The following SGCD variants were observed in gnomAD, a reference collection of about 807,000 sequenced individuals.
SGCD encodes the protein sarcoglycan delta.
Under a neutral mutation model 36.6 loss-of-function variants are expected in SGCD, and 18 were observed. The ratio of observed to expected loss-of-function variants is 0.49; its 90% CI spans 0.34 to 0.73. The LOEUF (loss-of-function observed/expected upper bound fraction) is 0.73. SGCD is among the 30% of genes least tolerant of loss of function. The probability of loss-of-function intolerance (pLI) is 0.01; values close to 1 mark genes in which losing one functional copy is unlikely to be tolerated. For synonymous variants in SGCD, 133 were observed against 130.6 expected (o/e 1.02, Z -0.12); for missense variants, 387 against 346.7 (o/e 1.12, Z -0.92).
chr5:156,081,009 TG>T (rs894397763), intron 1 of SGCD, among the ~76,000 whole-genome samples: 23 of 152,320 alleles, frequency 1.5e-4, no homozygotes, highest in African/African-American at 5.3e-4. Flanking sequence ...TACCTGATCA[TG>T]GGTCATTTAT....
intron 3 of SGCD, among the ~76,000 whole-genome samples, chr5:156,303,715 C>G (rs1177776770): frequency 6.6e-6 from 1 of 151,540 alleles, no homozygotes; most frequent in Non-Finnish European, 1.5e-5. Context: ...AGGGAAGCAG[C>G]TTCCGTTATG....
chr5:156,083,354 G>T (rs1051300945), intron 1 of SGCD, among the ~76,000 whole-genome samples: 3 of 151,210 alleles, frequency 2.0e-5, no homozygotes, highest in Non-Finnish European at 4.4e-5. Context: ...GAGTGCAATG[G>T]CGTGATCTCG....
At chr5:156,536,633 T>C (rs1323943653) in intron 4 of SGCD, among the ~76,000 whole-genome samples, 1 of 151,958 alleles carries the variant, frequency 6.6e-6, no homozygotes, top group Non-Finnish European at 1.5e-5. Flanking sequence ...GCAGAGGTTA[T>C]GATCTGGAGG....
chr5:156,097,844 T>G (rs2127595918), intron 1 of SGCD, among the ~76,000 whole-genome samples: 1 of 152,358 alleles, frequency 6.6e-6, no homozygotes, highest in South Asian at 2.1e-4. Context: ...TTAAATCTTC[T>G]TTTTCAGTAG....
the SGCD span, among the ~76,000 whole-genome samples, chr5:155,808,819 A>G: frequency 6.6e-6 from 1 of 152,218 alleles, no homozygotes; most frequent in Non-Finnish European, 1.5e-5. Context: ...TACATTATTC[A>G]TGTAAGAAAG....
chr5:156,553,370 A>G (rs555848006), intron 4 of SGCD, among the ~76,000 whole-genome samples: 3 of 152,290 alleles, frequency 2.0e-5, no homozygotes, highest in African/African-American at 7.2e-5. Flanking sequence ...ACTTGTTCCC[A>G]CACTTGGAAT....
rs1380997534 is a variant in SGCD at position 156,767,451 on chromosome 5, A to G, written c.*8061A>G. The stretch of plus-strand genomic sequence containing the variant: ...TCTGATGTTCTTAACCAAAATGGTG[A>G]GGTCATGGAAGTCCCATTTGCTTGG... On this transcript the variant is annotated 3_prime_UTR_variant, in exon 9 of 9. Coordinates refer to ENST00000337851, the MANE Select transcript of SGCD (RefSeq NM_000337.6). 7.2e-6 allele frequency: 1 copy of G among 139,804 alleles called. No individual in the cohort carries two copies. Among genetic ancestry groups the G allele is most frequent in the African/African-American group, 2.6e-5 (1 of 38,216 alleles). The allele number at this position is 139,804 out of a possible 1,614,324, so 8.7% of individuals were successfully genotyped here.
chr5:156,637,649 G>T (rs1185763001), intron 6 of SGCD, among the ~76,000 whole-genome samples: 1 of 152,086 alleles, frequency 6.6e-6, no homozygotes, highest in Non-Finnish European at 1.5e-5. Context: ...TATTTAGCTG[G>T]ACATTTTGCT....
chr5:156,447,385 G>A (rs571815495), intron 3 of SGCD, among the ~76,000 whole-genome samples: 6 of 152,232 alleles, frequency 3.9e-5, no homozygotes, highest in African/African-American at 1.2e-4. Flanking sequence ...GAACACAGCA[G>A]TGTGGCCAGG....
At chr5:156,468,011 T>C (rs980266047) in intron 3 of SGCD, among the ~76,000 whole-genome samples, 1 of 152,192 alleles carries the variant, frequency 6.6e-6, no homozygotes, top group Non-Finnish European at 1.5e-5. Context: ...GTTAGGAAGC[T>C]GATTTAAGTC....
At chr5:155,870,021 AC>A (rs1755601614), upstream of SGCD, among the ~76,000 whole-genome samples, 1 of 152,110 alleles carries the variant, frequency 6.6e-6, no homozygotes, top group Non-Finnish European at 1.5e-5. Flanking sequence ...AACAACAACA[AC>A]AACAAAAAGG....
intron 4 of SGCD, among the ~76,000 whole-genome samples, chr5:156,546,335 G>C (rs1758569632): frequency 6.6e-6 from 1 of 152,112 alleles, no homozygotes; most frequent in Non-Finnish European, 1.5e-5. Flanking sequence ...CTACTCTTCT[G>C]ACTTGTTTCT....
chr5:156,245,072 G>A (rs1765407827), intron 3 of SGCD, among the ~76,000 whole-genome samples: 1 of 152,172 alleles, frequency 6.6e-6, no homozygotes, highest in African/African-American at 2.4e-5. Context: ...CTTGCCAACA[G>A]CCAGTTGCTA....
chr5:156,107,917 G>A (rs979828437), intron 1 of SGCD, among the ~76,000 whole-genome samples: 5 of 152,052 alleles, frequency 3.3e-5, no homozygotes, highest in African/African-American at 1.2e-4. Context: ...AACAAGTTTG[G>A]GAATGAACAC....
intron 1 of SGCD, among the ~76,000 whole-genome samples, chr5:156,102,898 G>T (rs32382): frequency 0.43 from 65,284 of 151,904 alleles, 14,542 homozygotes; most frequent in African/African-American, 0.53. Context: ...CATATAAATT[G>T]ACATACATAT....
At chr5:156,145,661 G>T (rs573515803) in intron 3 of SGCD, among the ~76,000 whole-genome samples, 1 of 152,074 alleles carries the variant, frequency 6.6e-6, no homozygotes, top group African/African-American at 2.4e-5. Flanking sequence ...TAAGTATTTG[G>T]TTAAAAGTAT....
chr5:155,889,514 G>T (rs1393430720), intron 1 of SGCD, among the ~76,000 whole-genome samples: 1 of 152,090 alleles, frequency 6.6e-6, no homozygotes, highest in Non-Finnish European at 1.5e-5. Flanking sequence ...AATACCAGTG[G>T]TTAGTAATCA....
the SGCD span, among the ~76,000 whole-genome samples, chr5:155,840,671 A>G: frequency 6.6e-6 from 1 of 151,366 alleles, no homozygotes; most frequent in South Asian, 2.1e-4. Flanking sequence ...TAGAATCTAG[A>G]ATTTTCCAAA....
intron 2 of SGCD, among the ~76,000 whole-genome samples, chr5:156,332,024 G>A (rs114817880): frequency 0.012 from 1,886 of 152,272 alleles, 20 homozygotes; most frequent in Middle Eastern, 0.02. Context: ...TTTGTTCAGT[G>A]TGTGCTTACC....
Sources: allele counts gnomAD v4.1 joint callset (sites outside exome capture counted in the v4.1 genomes callset), GRCh38; gene constraint gnomAD v4.1.1; transcripts MANE v1.5; gene names NCBI Gene and HGNC (gene_info 2026-07-23, HGNC 2026-07-21).